DLG2: variants seen among roughly 807,000 people sequenced by gnomAD.
DLG2 encodes the protein discs large MAGUK scaffold protein 2.
In DLG2, 45 loss-of-function variants were observed where a neutral mutation model predicts 132.5. That is an observed-to-expected ratio of 0.34 (90% CI 0.27 to 0.44). DLG2 has a LOEUF of 0.44. DLG2 is among the 20% of genes least tolerant of loss of function. The pLI, the probability that DLG2 is intolerant of heterozygous loss-of-function variation, is 1.00. For synonymous variants in DLG2, 424 were observed against 419.6 expected (o/e 1.01, Z -0.13); for missense variants, 1,045 against 1,196.9 (o/e 0.87, Z 1.87).
At chr11:84,335,031 C>A (rs1465266757) in intron 7 of DLG2, among the ~76,000 whole-genome samples, 1 of 151,750 alleles carries the variant, frequency 6.6e-6, no homozygotes, top group African/African-American at 2.4e-5. Context: ...AAATTTGCAG[C>A]CTCAAAAATA....
intron 6 of DLG2, among the ~76,000 whole-genome samples, chr11:85,000,087 C>G (rs909076601): frequency 1.3e-5 from 2 of 152,028 alleles, no homozygotes; most frequent in Admixed American, 1.3e-4. Flanking sequence ...TTTAAAATTA[C>G]CAAGTGGATT....
intron 17 of DLG2, among the ~76,000 whole-genome samples, chr11:83,818,793 T>C: frequency 6.6e-6 from 1 of 152,064 alleles, no homozygotes; most frequent in South Asian, 2.1e-4. Context: ...CTCTTTGTCA[T>C]AAGAAATGAC....
At chr11:84,362,212 T>G (rs140085698) in intron 7 of DLG2, among the ~76,000 whole-genome samples, 44 of 152,102 alleles carry the variant, frequency 2.9e-4, no homozygotes, top group African/African-American at 9.4e-4. Flanking sequence ...CTGATTCAAC[T>G]TGTATTTCTC....
intron 6 of DLG2, among the ~76,000 whole-genome samples, chr11:84,758,664 C>T (rs1044536806): frequency 2.6e-5 from 4 of 151,956 alleles, no homozygotes; most frequent in Non-Finnish European, 5.9e-5. Context: ...TTGAAAGATG[C>T]TATTTAGTTT....
rs2096261776 is a variant in DLG2 at position 84,047,296 on chromosome 11, T to C, written c.919+12019A>G. Among the ~76,000 whole-genome samples, 5 of 151,710 alleles carry C rather than the reference T, an allele frequency of 3.3e-5. No individual in the cohort carries two copies. In the South Asian group the frequency reaches 1.0e-3, roughly 31 times the overall value. ...ATGATTGTTTTCTGTGCATATTTCC[T>C]TTTAAAAAAGTAAACAAAAAGAAGA... On this transcript the variant is annotated intron_variant, in intron 11 of 27. Coordinates refer to ENST00000376104, the MANE Select transcript of DLG2 (RefSeq NM_001142699.3).
At chr11:83,666,320 G>GC (rs1190045558) in intron 18 of DLG2, among the ~76,000 whole-genome samples, 1 of 152,160 alleles carries the variant, frequency 6.6e-6, no homozygotes, top group Non-Finnish European at 1.5e-5. Context: ...GGTGTCCATG[G>GC]CCTGCAGGAA....
intron 6 of DLG2, among the ~76,000 whole-genome samples, chr11:84,713,517 A>G (rs974681958): frequency 2.0e-5 from 3 of 152,080 alleles, no homozygotes; most frequent in Admixed American, 6.5e-5. Flanking sequence ...TTTTTTGCAT[A>G]TTAGGTATTT....
chr11:85,065,113 T>TA (rs996072219), intron 6 of DLG2, among the ~76,000 whole-genome samples: 4 of 151,466 alleles, frequency 2.6e-5, no homozygotes, highest in African/African-American at 9.7e-5. Flanking sequence ...GAGTAGATAA[T>TA]AAAAAATGGT....
intron 8 of DLG2, among the ~76,000 whole-genome samples, chr11:84,207,703 T>A (rs1329846020): frequency 6.6e-6 from 1 of 152,162 alleles, no homozygotes; most frequent in East Asian, 1.9e-4. Context: ...AAAACATTTT[T>A]AAAATTCTTT....
chr11:85,026,566 G>A (rs906661741), intron 6 of DLG2, among the ~76,000 whole-genome samples: 9 of 152,008 alleles, frequency 5.9e-5, no homozygotes, highest in Admixed American at 1.3e-4. Flanking sequence ...GGCCGGGCGC[G>A]GTAGCTCACA....
chr11:84,386,735 G>C (rs1351920168), intron 7 of DLG2, among the ~76,000 whole-genome samples: 2 of 152,046 alleles, frequency 1.3e-5, no homozygotes, highest in African/African-American at 4.8e-5. Flanking sequence ...ACTCATGAGA[G>C]AATGTTTCTC....
Position 85,080,348 on chromosome 11 carries a change from A to G in DLG2, c.357+31313T>C, listed in dbSNP as rs540734736. Among the ~76,000 whole-genome samples the G allele has an allele frequency of 2.5e-4, 38 of 152,242 alleles. 1 individual carries two copies. The South Asian group carries it at 6.8e-3, about 27-fold the overall frequency. ...TTTTGTAAGCTATATAGAATTAGCA[A>G]TGTTTTTTAAAAAAAGGACATAAGC... On this transcript the variant is annotated intron_variant, in intron 6 of 27. Coordinates refer to ENST00000376104, the MANE Select transcript of DLG2 (RefSeq NM_001142699.3).
At chr11:85,448,671 T>A (rs981563373) in intron 3 of DLG2, among the ~76,000 whole-genome samples, 1 of 152,206 alleles carries the variant, frequency 6.6e-6, no homozygotes, top group African/African-American at 2.4e-5. Flanking sequence ...CTAAGTCACT[T>A]TGACACAGAG....
chr11:85,555,248 A>T (rs1237993535), intron 3 of DLG2, among the ~76,000 whole-genome samples: 1 of 151,918 alleles, frequency 6.6e-6, no homozygotes, highest in Non-Finnish European at 1.5e-5. Context: ...TTGAATCAGA[A>T]GTCATAAAAT....
intron 5 of DLG2, among the ~76,000 whole-genome samples, chr11:85,113,494 C>T (rs555818593): frequency 2.7e-4 from 41 of 152,028 alleles, no homozygotes; most frequent in African/African-American, 8.9e-4. Flanking sequence ...TCTTCTCGTA[C>T]GTGTTTTAAC....
intron 7 of DLG2, among the ~76,000 whole-genome samples, chr11:84,482,472 G>A (rs2099140357): frequency 6.6e-6 from 1 of 152,198 alleles, no homozygotes; most frequent in Admixed American, 6.5e-5. Flanking sequence ...CATTGATTAT[G>A]TCAGTTAATA....
intron 7 of DLG2, among the ~76,000 whole-genome samples, chr11:84,469,902 G>A (rs180920891): frequency 1.8e-4 from 28 of 151,602 alleles, no homozygotes; most frequent in African/African-American, 6.5e-4. Context: ...TACGAACATC[G>A]GAATGTAATT....
chr11:84,575,775 A>G (rs2099498314), intron 6 of DLG2, among the ~76,000 whole-genome samples: 1 of 152,178 alleles, frequency 6.6e-6, no homozygotes. Context: ...CTATATACTC[A>G]TCAGTGTTTA....
intron 19 of DLG2, chr11:83,632,997 A>G (rs1216520464): frequency 5.8e-6 from 3 of 517,416 alleles, no homozygotes; most frequent in Non-Finnish European, 1.0e-5. Context: ...AACTTTGCCA[A>G]AGAATAACTT....
Sources: allele counts gnomAD v4.1 joint callset (sites outside exome capture counted in the v4.1 genomes callset), GRCh38; gene constraint gnomAD v4.1.1; transcripts MANE v1.5; gene names NCBI Gene and HGNC (gene_info 2026-07-23, HGNC 2026-07-21).